ADGRE3: variants seen among roughly 807,000 people sequenced by gnomAD.
ADGRE3 encodes the protein EGF-like module receptor 3.
ADGRE3 carries 88 observed loss-of-function variants against 80.1 expected under a neutral mutation model. The observed-to-expected ratio is 1.10, with a 90% CI of 0.93 to 1.31. The LOEUF is 1.31. ADGRE3 is among the 40% of genes most tolerant of loss of function. The pLI is 0.00. For synonymous variants in ADGRE3, 281 were observed against 294.8 expected (o/e 0.95, Z 0.48); for missense variants, 715 against 776.5 (o/e 0.92, Z 0.94).
At chr19:14,668,068 T>A (rs1253278114) in intron 2 of ADGRE3, among the ~76,000 whole-genome samples, 1 of 151,942 alleles carries the variant, frequency 6.6e-6, no homozygotes, top group Non-Finnish European at 1.5e-5. Context: ...AGCCTGGGTG[T>A]CATGGTGAAA....
chr19:14,608,628 ATTTTT>A, the ADGRE3 span, among the ~76,000 whole-genome samples: 7,216 of 119,634 alleles, frequency 0.06, 201 homozygotes, highest in African/African-American at 0.091. Flanking sequence ...ATGAGGAAGA[ATTTTT>A]TTTTTTTTTT....
At chr19:14,670,381 C>G (rs974430723) in intron 1 of ADGRE3, among the ~76,000 whole-genome samples, 7 of 152,200 alleles carry the variant, frequency 4.6e-5, no homozygotes, top group African/African-American at 1.4e-4. Context: ...AGTCACCTGG[C>G]TCTACTTCCA....
chr19:14,613,754 C>T, the ADGRE3 span, among the ~76,000 whole-genome samples: 6 of 151,538 alleles, frequency 4.0e-5, no homozygotes, highest in African/African-American at 9.7e-5. Flanking sequence ...GGCATGATCT[C>T]GGCTCACTGC....
At chr19:14,656,216 G>A (rs754025648) in intron 5 of ADGRE3, among the ~76,000 whole-genome samples, 16 of 151,632 alleles carry the variant, frequency 1.1e-4, no homozygotes, top group Admixed American at 2.6e-4. Flanking sequence ...ATGGTGGCGC[G>A]TGCCTGTAAT....
chr19:14,609,614 G>T, the ADGRE3 span, among the ~76,000 whole-genome samples: 2 of 148,418 alleles, frequency 1.3e-5, no homozygotes, highest in Non-Finnish European at 3.0e-5. Flanking sequence ...GAGGCGGGCG[G>T]ATCACTTGAG....
chr19:14,633,157 G>T, intron 12 of ADGRE3, 79 bp downstream of exon 12: 3 of 1,385,748 alleles, frequency 2.2e-6, no homozygotes, highest in Non-Finnish European at 3.0e-6. Context: ...CAGTGGAAAT[G>T]CAAGCCCCTT....
At chr19:14,620,535 T>TATA (rs1491197917) in intron 15 of ADGRE3, among the ~76,000 whole-genome samples, 7 of 16,852 alleles carry the variant, frequency 4.2e-4, no homozygotes, top group South Asian at 4.7e-3. Flanking sequence ...AATATATATA[T>TATA]TTTATATATA....
chr19:14,663,063 T>C (rs1971997336), intron 3 of ADGRE3, among the ~76,000 whole-genome samples: 1 of 151,898 alleles, frequency 6.6e-6, no homozygotes, highest in Non-Finnish European at 1.5e-5. Context: ...AGTGCAGTGG[T>C]GCAATCTCGG....
rs1332310211 is a variant in ADGRE3 at position 14,655,065 on chromosome 19, A to T, written c.494T>A (p.Leu165His). The T allele has an allele frequency of 6.2e-7, 1 of 1,614,042 alleles. No homozygotes were observed. ...QEISSTATTI[L>H]RDVESKVLET... is the part of the protein sequence containing the mutation. ...TAGAACTTTCGATTCCACATCCCGGAGAATAGTGGTAGCTGTGGATGAGAT... is the reference window on the plus strand; with the variant it reads ...TAGAACTTTCGATTCCACATCCCGGTGAATAGTGGTAGCTGTGGATGAGAT... Residue 165 changes from leucine (L) to histidine (H), a missense_variant, in exon 6 of 16, where the codon CTC becomes CAC. By Grantham distance (99) the Leu-to-His change is moderately conservative (BLOSUM62 -3). Coordinates refer to ENST00000253673, the MANE Select transcript of ADGRE3 (RefSeq NM_032571.5).
At chr19:14,668,173 C>T (rs574062306) in intron 2 of ADGRE3, among the ~76,000 whole-genome samples, 35 of 152,214 alleles carry the variant, frequency 2.3e-4, no homozygotes, top group Middle Eastern at 3.4e-3. Context: ...TTCGTTTGAA[C>T]CCAGGACGTG....
In ADGRE3 at chr19:14,647,435, G is replaced by A. The variant is rs187525137; in HGVS notation, c.698-70C>T. On this transcript the variant is annotated intron_variant, in intron 7 of 15. Transcript: ENST00000253673. ...CTTTTTTTTTTTTTTTTTTTGAGAC[G>A]GAGTCTCGCTCTTGTCGCCCAGCCA... The A allele has an allele frequency of 1.4e-4, 158 of 1,145,878 alleles. No individual in the cohort carries two copies. The African/African-American group carries it at 1.4e-3, about 10-fold the overall frequency. 71.0% of individuals were successfully genotyped at this position (1,145,878 alleles called of 1,614,324 possible).
chr19:14,607,393 C>T, the ADGRE3 span, among the ~76,000 whole-genome samples: 170 of 151,416 alleles, frequency 1.1e-3, no homozygotes, highest in Middle Eastern at 6.8e-3. Context: ...TTAGTAGAGA[C>T]GGGGTTTCAC....
intron 2 of ADGRE3, among the ~76,000 whole-genome samples, chr19:14,665,343 G>A (rs1244996429): frequency 6.6e-6 from 1 of 151,910 alleles, no homozygotes; most frequent in Non-Finnish European, 1.5e-5. Flanking sequence ...GATTACAGGC[G>A]TGAGCTACTG....
downstream of ADGRE3, chr19:14,619,051 C>T (rs527724434): frequency 2.4e-5 from 6 of 250,058 alleles, no homozygotes; most frequent in South Asian, 1.3e-4. Flanking sequence ...CAGTGAGCTA[C>T]GATCATGCCA....
chr19:14,636,000 TTTC>T lies in ADGRE3; in HGVS notation c.1484+2102_1484+2104del, dbSNP rs1385199620. Among the ~76,000 whole-genome samples, 7 of 27,500 alleles carry T rather than the reference TTTC, an allele frequency of 2.5e-4. 1 individual carries two copies. Among genetic ancestry groups the T allele is most frequent in the Non-Finnish European group, 5.8e-4 (6 of 10,330 alleles). 18.0% of individuals were successfully genotyped at this position (27,500 alleles called of 152,430 possible). ...CCAATAAAGCTCTCCTTTCTCTCTC[TTTC>T]TCTTTCTTTCTTCCTTCCTTCCTTC... On this transcript the variant is annotated intron_variant, in intron 11 of 15. Transcript: ENST00000253673.
intron 7 of ADGRE3, among the ~76,000 whole-genome samples, chr19:14,648,154 A>C (rs919222035): frequency 3.9e-5 from 6 of 151,984 alleles, no homozygotes; most frequent in Non-Finnish European, 8.8e-5. Context: ...GGAAACTTCA[A>C]AGTCTGGTAA....
chr19:14,630,179 G>A lies in ADGRE3; in HGVS notation c.1672C>T (p.Leu558Phe). Reference protein sequence around the residue: ...RMLAFKATAQLFILGCTWCLG... With the variant: ...RMLAFKATAQFFILGCTWCLG... Reference sequence around the variant, plus strand: ...CACCATGTGCAGCCCAGGATGAAGAGCTGAGCTGTTGCTTTGAAAGCCAGC... The same window carrying A: ...CACCATGTGCAGCCCAGGATGAAGAACTGAGCTGTTGCTTTGAAAGCCAGC... Residue 558 changes from leucine to phenylalanine, a missense_variant, in exon 14 of 16, where the codon CTC becomes TTC. Coordinates refer to ENST00000253673, the MANE Select transcript of ADGRE3 (RefSeq NM_032571.5). 1.9e-6 allele frequency: 3 copies of A among 1,607,282 alleles called. No individual in the cohort carries two copies. Among genetic ancestry groups the A allele is most frequent in the Non-Finnish European group, 2.6e-6 (3 of 1,176,304 alleles).
At chr19:14,611,730 A>C in the ADGRE3 span, among the ~76,000 whole-genome samples, 12 of 152,142 alleles carry the variant, frequency 7.9e-5, no homozygotes, top group Admixed American at 1.3e-4. Flanking sequence ...TGCCAGGCAC[A>C]GTGGCTCACG....
chr19:14,607,289 C>G, the ADGRE3 span, among the ~76,000 whole-genome samples: 1 of 151,750 alleles, frequency 6.6e-6, no homozygotes, highest in African/African-American at 2.4e-5. Context: ...ACTGCAAGCT[C>G]CGCCTCCCAG....
Sources: gnomAD v4.1 joint callset for allele counts (sites outside exome capture counted in the v4.1 genomes callset) on GRCh38, gnomAD v4.1.1 for gene constraint, MANE v1.5 for transcripts, NCBI Gene and HGNC (gene_info 2026-07-23, HGNC 2026-07-21) for gene names.